The following ZNF518A variants were observed in gnomAD, a reference collection of about 807,000 sequenced individuals.
ZNF518A encodes the protein zinc finger protein 518A.
ZNF518A carries 47 observed loss-of-function variants against 102.7 expected under a neutral mutation model. The ratio of observed to expected loss-of-function variants is 0.46; its 90% CI spans 0.36 to 0.58. ZNF518A has a LOEUF of 0.58. Ranked by LOEUF, ZNF518A falls within the 20% of genes least tolerant of loss-of-function variation. ZNF518A has a pLI of 0.00. For missense variants in ZNF518A, 1,793 were observed against 1,699.8 expected, an observed-to-expected ratio of 1.05 and a Z score of -0.96; for synonymous variants, 652 against 594.6, an observed-to-expected ratio of 1.10 and a Z score of -1.40.
intron 1 of ZNF518A, among the ~76,000 whole-genome samples, chr10:96,173,369 T>A (rs587723765): frequency 6.6e-6 from 1 of 152,254 alleles, no homozygotes; most frequent in East Asian, 1.9e-4. Context: ...AATCATTCTG[T>A]CTACAGGAGC....
At chr10:96,175,865 GCCTC>G (rs1181264871) in intron 1 of ZNF518A, among the ~76,000 whole-genome samples, 4 of 49,992 alleles carry the variant, frequency 8.0e-5, no homozygotes, top group Admixed American at 2.4e-4. Context: ...TTCCCTCCCT[GCCTC>G]CCTCCCTCCC....
chr10:96,171,129 C>T (rs1235606782), intron 1 of ZNF518A, among the ~76,000 whole-genome samples: 2 of 152,068 alleles, frequency 1.3e-5, no homozygotes, highest in Non-Finnish European at 2.9e-5. Context: ...CAGTATGGGA[C>T]TTCCTCAATA....
intron 1 of ZNF518A, among the ~76,000 whole-genome samples, chr10:96,201,980 G>A (rs2083654381): frequency 6.6e-6 from 1 of 152,168 alleles, no homozygotes; most frequent in African/African-American, 2.4e-5. Context: ...GAGATCTGCA[G>A]GTGGAGAGGG....
chr10:96,196,886 A>T, intron 1 of ZNF518A: 1 of 1,610,510 alleles, frequency 6.2e-7, no homozygotes, highest in Non-Finnish European at 8.5e-7. Context: ...TATAGAATTG[A>T]ATTTAAAAAG....
At chr10:96,148,757 C>T (rs2082288727) in intron 3 of ZNF518A, among the ~76,000 whole-genome samples, 1 of 152,322 alleles carries the variant, frequency 6.6e-6, no homozygotes, top group South Asian at 2.1e-4. Context: ...GCCCTGTCGC[C>T]CAGGCTGGAG....
chr10:96,147,294 T>G (rs1225685912), intron 3 of ZNF518A, among the ~76,000 whole-genome samples: 4 of 152,338 alleles, frequency 2.6e-5, no homozygotes, highest in African/African-American at 9.6e-5. Context: ...GTCCTCAGTG[T>G]GTCTTTTGAT....
intron 1 of ZNF518A, chr10:96,190,145 C>T (rs3748227): frequency 0.012 from 12,084 of 974,152 alleles, 339 homozygotes; most frequent in East Asian, 0.11. Flanking sequence ...TCATCTTTGT[C>T]GGCCTTTAGT....
At position 96,160,396 on chromosome 10, in the gene ZNF518A, A is replaced by G; in HGVS notation, c.4074A>G (p.Pro1358=). ...TGAATCATCCTGACGCAGATGCACC[A>G]GAAGTAGTAAGTGTAATGAAAACTA... ...VVLNHPDADA[P]EVVSVMKTIA... is the part of the protein sequence containing the mutation. Residue 1358 remains proline, a synonymous_variant, in exon 6 of 6, where the codon CCA becomes CCG. Transcript: ENST00000316045. 1 of 1,613,366 alleles carries G rather than the reference A, an allele frequency of 6.2e-7. No individual in the cohort carries two copies. The highest frequency in any genetic ancestry group is 1.3e-5 in the African/African-American group (1 of 75,014).
chr10:96,160,491 C>G lies in ZNF518A; in HGVS notation c.4169C>G (p.Pro1390Arg), dbSNP rs782306585. The part of the protein sequence containing the change: ...SKRTINALLK[P>R]VCYNPPKTTY... ...AGAACTATAAATGCTTTACTGAAAC[C>G]AGTTTGTTATAACCCTCCTAAAACA... Residue 1390 changes from proline to arginine, a missense_variant, in exon 6 of 6, where the codon CCA becomes CGA. Physicochemically the swap from Pro to Arg is moderately radical, Grantham distance 103 (BLOSUM62 -2). Around this residue, in one of 3 missense-constraint regions of ZNF518A, gnomAD observed 1,741 missense variants for 1,622.6 expected, o/e 1.07. Coordinates refer to ENST00000316045, the MANE Select transcript of ZNF518A (RefSeq NM_001330736.2). 3.7e-6 allele frequency: 6 copies of G among 1,613,060 alleles called. No homozygotes were observed. The highest frequency in any genetic ancestry group is 4.2e-6 in the Non-Finnish European group (5 of 1,179,548).
chr10:96,160,230 C>T lies in ZNF518A; in HGVS notation c.3908C>T (p.Ala1303Val). ...ATLHRKCKEK[A>V]KPEDVRETFG... ...TTGCATAGAAAGTGTAAAGAAAAGG[C>T]AAAACCTGAAGATGTCCGTGAAACA... The change falls in exon 6 of 6, where the codon GCA becomes GTA. Residue 1303 changes from alanine to valine, a missense_variant. By Grantham distance (64) the Ala-to-Val change is moderately conservative. Around this residue, in one of 3 missense-constraint regions of ZNF518A, gnomAD observed 1,741 missense variants for 1,622.6 expected, o/e 1.07. Transcript: ENST00000316045. 6.2e-7 allele frequency: 1 copy of T among 1,612,726 alleles called. No homozygotes were observed. Among genetic ancestry groups the T allele is most frequent in the Non-Finnish European group, 8.5e-7 (1 of 1,179,378 alleles).
intron 1 of ZNF518A, among the ~76,000 whole-genome samples, chr10:96,178,869 T>C (rs971283908): frequency 5.9e-5 from 9 of 151,908 alleles, no homozygotes; most frequent in African/African-American, 1.9e-4. Context: ...AAAACAAAAA[T>C]AGAAAATCAC....
chr10:96,201,748 A>G (rs2083645911), intron 1 of ZNF518A, among the ~76,000 whole-genome samples: 1 of 152,020 alleles, frequency 6.6e-6, no homozygotes, highest in Admixed American at 6.6e-5. Flanking sequence ...GCATTCATTC[A>G]TTCATTCATT....
downstream of ZNF518A, among the ~76,000 whole-genome samples, chr10:96,167,632 A>G (rs2083149880): frequency 6.6e-6 from 1 of 152,204 alleles, no homozygotes; most frequent in Non-Finnish European, 1.5e-5. Context: ...GAAAGGCTCA[A>G]TACTAGATTT....
intron 1 of ZNF518A, among the ~76,000 whole-genome samples, chr10:96,170,351 G>A (rs1554890777): frequency 1.3e-5 from 2 of 152,200 alleles, no homozygotes; most frequent in Non-Finnish European, 2.9e-5. Flanking sequence ...CTCCAAGTTA[G>A]GCAAAATAAA....
At chr10:96,164,137 A>G (rs1554889500), downstream of ZNF518A, among the ~76,000 whole-genome samples, 1 of 152,264 alleles carries the variant, frequency 6.6e-6, no homozygotes, top group Non-Finnish European at 1.5e-5. Flanking sequence ...GTGATTTGAA[A>G]TAGCTGTTAA....
intron 3 of ZNF518A, among the ~76,000 whole-genome samples, chr10:96,154,965 C>T (rs1554881696): frequency 6.6e-6 from 1 of 152,052 alleles, no homozygotes; most frequent in African/African-American, 2.4e-5. Context: ...AAGTTTAAAG[C>T]TGAGACCTTT....
chr10:96,137,655 G>T (rs1187433777), intron 3 of ZNF518A, among the ~76,000 whole-genome samples: 4 of 152,146 alleles, frequency 2.6e-5, no homozygotes, highest in African/African-American at 9.7e-5. Flanking sequence ...TGTCTCACTT[G>T]CTGGTTCTTT....
intron 1 of ZNF518A, chr10:96,199,621 A>G (rs2083574336): frequency 4.6e-6 from 2 of 433,968 alleles, no homozygotes; most frequent in Admixed American, 2.5e-5. Flanking sequence ...TAAGTAAAGG[A>G]AAAAGATCCT....
chr10:96,189,690 A>G (rs1310591160), intron 1 of ZNF518A: 4 of 704,774 alleles, frequency 5.7e-6, no homozygotes, highest in Non-Finnish European at 7.8e-6. Flanking sequence ...CAGTTTCCTC[A>G]TCATCAAAAT....
Sources: allele counts gnomAD v4.1 joint callset (sites outside exome capture counted in the v4.1 genomes callset), GRCh38; gene constraint gnomAD v4.1.1; regional missense constraint gnomAD v4.1.1; transcripts MANE v1.5; gene names NCBI Gene and HGNC (gene_info 2026-07-23, HGNC 2026-07-21).